Variants in ADARB2 observed in about 807,000 individuals in gnomAD.
ADARB2 encodes adenosine deaminase RNA specific B2 (inactive), also known as inactive double-stranded RNA-specific editase B2.
In ADARB2, 25 loss-of-function variants were observed where a neutral mutation model predicts 62.2. The ratio of observed to expected loss-of-function variants is 0.40; its 90% confidence interval spans 0.29 to 0.56. The LOEUF is 0.56. Among genes scored for constraint, ADARB2 ranks in the 20% least tolerant of loss-of-function variants. The pLI is 0.43. For missense variants in ADARB2, 1,071 were observed against 1,077.4 expected (o/e 0.99, Z 0.08); for synonymous variants, 572 against 500.8 (o/e 1.14, Z -1.90).
intron 4 of ADARB2, among the ~76,000 whole-genome samples, chr10:1,243,657 C>T (rs1349813756): frequency 1.3e-5 from 2 of 152,196 alleles, no homozygotes; most frequent in African/African-American, 2.4e-5. Context: ...AATTCGGGGC[C>T]GGGAGGGACC....
intron 3 of ADARB2, among the ~76,000 whole-genome samples, chr10:1,287,118 T>C (rs1240480490): frequency 6.6e-6 from 1 of 152,186 alleles, no homozygotes. Flanking sequence ...GCCTCTGTCT[T>C]GGCTAACTCT....
intron 1 of ADARB2, among the ~76,000 whole-genome samples, chr10:1,593,307 T>G (rs1423600284): frequency 6.8e-6 from 1 of 146,294 alleles, no homozygotes; most frequent in Non-Finnish European, 1.5e-5. Context: ...TCTGGCATGG[T>G]CCCCTCTGTC....
intron 6 of ADARB2, among the ~76,000 whole-genome samples, chr10:1,224,994 C>G (rs1437686360): frequency 2.0e-5 from 3 of 152,132 alleles, no homozygotes; most frequent in African/African-American, 7.2e-5. Context: ...TCTTGTTGAT[C>G]TGTCTAATTT....
intron 6 of ADARB2, among the ~76,000 whole-genome samples, chr10:1,230,175 C>T (rs542072308): frequency 1.1e-3 from 170 of 152,256 alleles, no homozygotes; most frequent in Non-Finnish European, 1.8e-3. Flanking sequence ...CTGCACTCTG[C>T]GGCCTCTGCA....
At chr10:1,676,723 A>G (rs1434341662) in intron 1 of ADARB2, among the ~76,000 whole-genome samples, 1 of 152,200 alleles carries the variant, frequency 6.6e-6, no homozygotes, top group African/African-American at 2.4e-5. Context: ...AGAAATATTT[A>G]GGTGATTGTT....
At chr10:1,674,052 T>C (rs1487936303) in intron 1 of ADARB2, among the ~76,000 whole-genome samples, 3 of 152,188 alleles carry the variant, frequency 2.0e-5, no homozygotes, top group African/African-American at 7.2e-5. Context: ...CAGGAGAAGG[T>C]TTAGCTGCTG....
At chr10:1,407,849 T>G (rs1485935407) in intron 1 of ADARB2, among the ~76,000 whole-genome samples, 6 of 152,116 alleles carry the variant, frequency 3.9e-5, no homozygotes, top group African/African-American at 1.4e-4. Flanking sequence ...GACTGTTCTG[T>G]GGGGGGAACT....
intron 6 of ADARB2, among the ~76,000 whole-genome samples, chr10:1,218,039 A>G (rs1025089333): frequency 6.6e-6 from 1 of 151,986 alleles, no homozygotes; most frequent in Non-Finnish European, 1.5e-5. Flanking sequence ...TCTTTGAAAA[A>G]ATTTTGTATG....
rs1045960525 is a variant in ADARB2, at chr10:1,477,095, CCACTGCGCAG to C, written c.101-97945_101-97936del. ...TTCACAGCCACGCAAGGGCACCCTCCCACTGCGCAGCACTGCCTCTCACTCATGGCTGTGA... is the reference window on the plus strand; with the variant it reads ...TTCACAGCCACGCAAGGGCACCCTCCCACTGCCTCTCACTCATGGCTGTGA... On this transcript the variant is annotated intron_variant, in intron 1 of 9. Transcript: ENST00000381312. The surrounding 1 kb of genome is among the most constrained non-coding windows in gnomAD (Gnocchi z 4.5). Among the ~76,000 whole-genome samples the C allele has an allele frequency of 6.6e-6, 1 of 152,150 alleles. No individual in the cohort carries two copies. Among genetic ancestry groups the C allele is most frequent in the African/African-American group, 2.4e-5 (1 of 41,428 alleles).
intron 1 of ADARB2, among the ~76,000 whole-genome samples, chr10:1,512,771 G>A (rs1831952466): frequency 6.6e-6 from 1 of 152,236 alleles, no homozygotes. Flanking sequence ...ATGTGGAGCA[G>A]GTGCTCTTAC....
At chr10:1,308,742 C>T (rs1461096940) in intron 3 of ADARB2, among the ~76,000 whole-genome samples, 1 of 152,190 alleles carries the variant, frequency 6.6e-6, no homozygotes, top group African/African-American at 2.4e-5. Flanking sequence ...AATTTTCCAT[C>T]ATATAATTTA....
chr10:1,275,543 C>T (rs1831307700), intron 3 of ADARB2, among the ~76,000 whole-genome samples: 1 of 151,828 alleles, frequency 6.6e-6, no homozygotes. Context: ...TTTTAGGGTA[C>T]ATGTGCACAA....
intron 4 of ADARB2, among the ~76,000 whole-genome samples, chr10:1,269,591 G>C (rs1364899611): frequency 6.6e-6 from 1 of 152,234 alleles, no homozygotes; most frequent in African/African-American, 2.4e-5. Flanking sequence ...TCCCAGCGAG[G>C]CTCAGTGGCT....
At chr10:1,384,572 A>T (rs1157898238) in intron 1 of ADARB2, among the ~76,000 whole-genome samples, 1 of 152,230 alleles carries the variant, frequency 6.6e-6, no homozygotes, top group African/African-American at 2.4e-5. Flanking sequence ...AACCGTTTTC[A>T]GAGTTTGGAT....
chr10:1,234,557 C>G (rs1415274214), intron 5 of ADARB2, among the ~76,000 whole-genome samples: 1 of 152,062 alleles, frequency 6.6e-6, no homozygotes, highest in African/African-American at 2.4e-5. Flanking sequence ...CCTCCTGCCT[C>G]AGCCTCCCGA....
At chr10:1,585,830 C>G (rs35505416) in intron 1 of ADARB2, among the ~76,000 whole-genome samples, 13,901 of 152,094 alleles carry the variant, frequency 0.091, 1,098 homozygotes, top group East Asian at 0.39. Flanking sequence ...GTCAGGAGAT[C>G]GAGACCATCC....
chr10:1,208,966 G>T (rs1837106288), intron 7 of ADARB2, among the ~76,000 whole-genome samples: 1 of 152,180 alleles, frequency 6.6e-6, no homozygotes, highest in Non-Finnish European at 1.5e-5. Context: ...TGGGGTGGGG[G>T]TTCTGCCCAG....
Position 1,709,030 on chromosome 10 carries a change from G to A in ADARB2, c.100+28021C>T, listed in dbSNP as rs575630526. 3.9e-5 allele frequency among the ~76,000 whole-genome samples: 6 copies of A among 152,216 alleles called. No individual in the cohort carries two copies. In the East Asian group the frequency reaches 1.2e-3, roughly 29 times the overall value. ...TGGAGGGAGGAGGGGAGGTCACGTC[G>A]GGTCCTGAGAAACCTTCTCAGCCTC... On this transcript the variant is annotated intron_variant, in intron 1 of 9. Coordinates refer to ENST00000381312, the MANE Select transcript of ADARB2 (RefSeq NM_018702.4).
At chr10:1,314,861 T>C (rs1831723764) in intron 3 of ADARB2, among the ~76,000 whole-genome samples, 1 of 151,980 alleles carries the variant, frequency 6.6e-6, no homozygotes, top group Non-Finnish European at 1.5e-5. Flanking sequence ...GGGTTCAGAG[T>C]GAACTCAAGG....
Sources: gnomAD v4.1 joint callset for allele counts (sites outside exome capture counted in the v4.1 genomes callset) on GRCh38, gnomAD v4.1.1 for gene constraint, Gnocchi (gnomAD v3.1) non-coding constraint, MANE v1.5 for transcripts, NCBI Gene and HGNC (gene_info 2026-07-23, HGNC 2026-07-21) for gene names.